The following ZC2HC1B variants were observed in gnomAD, a reference collection of about 807,000 sequenced individuals.
ZC2HC1B encodes zinc finger C2HC-type containing 1B.
In ZC2HC1B, 36 loss-of-function variants were observed where a neutral mutation model predicts 31.0. The observed-to-expected ratio is 1.16, with a 90% confidence interval of 0.89 to 1.54. The LOEUF (loss-of-function observed/expected upper bound fraction) is 1.54. Ranked by LOEUF, ZC2HC1B falls within the 40% of genes most tolerant of loss-of-function variation. ZC2HC1B has a pLI of 0.00. For missense variants in ZC2HC1B, 260 were observed against 268.6 expected, an observed-to-expected ratio of 0.97 and a Z score of 0.22; for synonymous variants, 73 against 88.0, an observed-to-expected ratio of 0.83 and a Z score of 0.95.
rs1286272330 is a variant in ZC2HC1B at position 143,913,011 on chromosome 6, G to A, written c.598+9859G>A. Reference sequence around the variant, plus strand: ...AGGGTCTTGCTTAAAGAAGCAGTCTGGCCATACCTCAACAAAACAGCTGTG... The same window carrying A: ...AGGGTCTTGCTTAAAGAAGCAGTCTAGCCATACCTCAACAAAACAGCTGTG... On this transcript the variant is annotated intron_variant, in intron 6 of 7. Transcript: ENST00000237275. The surrounding 1 kb of genome is among the most constrained non-coding windows in gnomAD (Gnocchi z 5.7). Among the ~76,000 whole-genome samples the A allele has an allele frequency of 1.8e-4, 27 of 152,204 alleles. No homozygotes were observed. Among genetic ancestry groups the A allele is most frequent in the Admixed American group, 1.8e-3 (27 of 15,282 alleles).
Position 143,886,734 on chromosome 6 carries a change from A to T in ZC2HC1B, c.262A>T (p.Asn88Tyr). 1 of 1,548,466 alleles carries T rather than the reference A, an allele frequency of 6.5e-7. No individual in the cohort carries two copies. The highest frequency in any genetic ancestry group is 1.2e-5 in the South Asian group (1 of 83,558). The change falls in exon 4 of 8, where the codon AAT (asparagine) becomes TAT (tyrosine). Residue 88 changes from asparagine (N) to tyrosine (Y), a missense_variant. By Grantham distance (143) the Asn-to-Tyr change is moderately radical. Transcript: ENST00000237275. The surrounding 1 kb of genome is among the most constrained non-coding windows in gnomAD (Gnocchi z 4.2). ...NWRQQHEDFI[N>Y]AIRSAKQCML... is the part of the protein sequence containing the mutation. Reference sequence around the variant, plus strand: ...GAGACAACAACATGAAGACTTTATTAATGCAATCCGATCAGCAAAGCAGTG... The same window carrying T: ...GAGACAACAACATGAAGACTTTATTTATGCAATCCGATCAGCAAAGCAGTG...
At position 143,884,108 on chromosome 6, in the gene ZC2HC1B, TG is replaced by T. The variant is rs992862061; in HGVS notation, c.29-195del. ...TATGGAATTTACTTGTTTAGTGAAG[TG>T]AGGAGTTTATATCAGGAAAGGAAAA... On this transcript the variant is annotated intron_variant, in intron 1 of 7. Coordinates refer to ENST00000237275, the MANE Select transcript of ZC2HC1B (RefSeq NM_001013623.3). The surrounding 1 kb of genome is among the most constrained non-coding windows in gnomAD (Gnocchi z 5.1). Among the ~76,000 whole-genome samples, 13 of 152,168 alleles carry T rather than the reference TG, an allele frequency of 8.5e-5. No individual in the cohort carries two copies. The highest frequency in any genetic ancestry group is 1.9e-4 in the Non-Finnish European group (13 of 68,024).
chr6:143,873,346 T>C (rs1345971468), intron 1 of ZC2HC1B, among the ~76,000 whole-genome samples: 1 of 152,184 alleles, frequency 6.6e-6, no homozygotes, highest in Non-Finnish European at 1.5e-5. Context: ...CCTGCCTGCT[T>C]TCATGGGTTG....
At chr6:143,898,877 C>T (rs572906242) in intron 5 of ZC2HC1B, among the ~76,000 whole-genome samples, 186 bp downstream of exon 5, 12 of 152,306 alleles carry the variant, frequency 7.9e-5, no homozygotes, top group African/African-American at 2.6e-4. Context: ...GCTAAGGCAC[C>T]TTTGGGTGTT....
In ZC2HC1B at chr6:143,921,364, AAG is replaced by A. The variant is rs1277685161; in HGVS notation, c.599-16284_599-16283del. ...AAGAAATGGAATATAAGTTTCAAGA[AAG>A]GGGAATTCTCTACTGTATCTTTCTC... On this transcript the variant is annotated intron_variant, in intron 6 of 7. Coordinates refer to ENST00000237275, the MANE Select transcript of ZC2HC1B (RefSeq NM_001013623.3). The surrounding 1 kb of genome is among the most constrained non-coding windows in gnomAD (Gnocchi z 6.1). Among the ~76,000 whole-genome samples, 2 of 152,208 alleles carry A rather than the reference AAG, an allele frequency of 1.3e-5. No individual in the cohort carries two copies. The highest frequency in any genetic ancestry group is 4.8e-5 in the African/African-American group (2 of 41,460).
rs965681525 is a variant in ZC2HC1B, at chr6:143,908,323, G to A, written c.598+5171G>A. ...TCTAATTCTGTGAAGAATGTCAATGGTAGTTTAATGGAAATTGCATTGAAT... is the reference window on the plus strand; with the variant it reads ...TCTAATTCTGTGAAGAATGTCAATGATAGTTTAATGGAAATTGCATTGAAT... On this transcript the variant is annotated intron_variant, in intron 6 of 7. Coordinates refer to ENST00000237275, the MANE Select transcript of ZC2HC1B (RefSeq NM_001013623.3). This position sits in a 1 kb window ranked among gnomAD's most constrained non-coding sequence, Gnocchi z 4.4. 6.6e-6 allele frequency among the ~76,000 whole-genome samples: 1 copy of A among 152,168 alleles called. No homozygotes were observed. The highest frequency in any genetic ancestry group is 2.4e-5 in the African/African-American group (1 of 41,448).
Position 143,903,078 on chromosome 6 carries a change from C to G in ZC2HC1B, c.524C>G (p.Thr175Ser), listed in dbSNP as rs1215943474. The G allele has an allele frequency of 3.2e-6, 5 of 1,551,804 alleles. No individual in the cohort carries two copies. The highest frequency in any genetic ancestry group is 4.4e-6 in the Non-Finnish European group (5 of 1,147,048). Reference protein sequence around the residue: ...RAQMGPKKEPTVTSAVGALLQ... With the variant: ...RAQMGPKKEPSVTSAVGALLQ... The stretch of plus-strand genomic sequence containing the variant: ...CAGATGGGTCCAAAAAAAGAACCAA[C>G]TGTTACCAGTGCTGTGGGAGCTTTG... The change falls in exon 6 of 8, where the codon ACT becomes AGT. Residue 175 changes from threonine to serine, a missense_variant. Coordinates refer to ENST00000237275, the MANE Select transcript of ZC2HC1B (RefSeq NM_001013623.3). The surrounding 1 kb of genome is among the most constrained non-coding windows in gnomAD (Gnocchi z 4.3).
In ZC2HC1B at chr6:143,865,895, A is replaced by G. The variant is rs1777254083; in HGVS notation, c.28+1328A>G. Among the ~76,000 whole-genome samples the G allele has an allele frequency of 6.6e-6, 1 of 152,094 alleles. No individual in the cohort carries two copies. Among genetic ancestry groups the G allele is most frequent in the South Asian group, 2.1e-4 (1 of 4,824 alleles). On this transcript the variant is annotated intron_variant, in intron 1 of 7. Coordinates refer to ENST00000237275, the MANE Select transcript of ZC2HC1B (RefSeq NM_001013623.3). The surrounding 1 kb of genome is among the most constrained non-coding windows in gnomAD (Gnocchi z 4.4). ...CAGTAGTGCGATCTCATCTCACTGCAACCTCCAACTCCCGGGTTCAGGCGA... is the reference window on the plus strand; with the variant it reads ...CAGTAGTGCGATCTCATCTCACTGCGACCTCCAACTCCCGGGTTCAGGCGA...
Position 143,886,855 on chromosome 6 carries a change from T to C in ZC2HC1B, c.349+34T>C, listed in dbSNP as rs1433841834. ...ACATTTTGGGTTGCTTTTGAGGCTA[T>C]GCTTGACTTTTGACCAAATCATCAT... On this transcript the variant is annotated intron_variant, in intron 4 of 7. Coordinates refer to ENST00000237275, the MANE Select transcript of ZC2HC1B (RefSeq NM_001013623.3). This position sits in a 1 kb window ranked among gnomAD's most constrained non-coding sequence, Gnocchi z 4.2. 1.4e-6 allele frequency: 2 copies of C among 1,466,236 alleles called. No homozygotes were observed. The highest frequency in any genetic ancestry group is 1.8e-6 in the Non-Finnish European group (2 of 1,107,828). The allele number at this position is 1,466,236 out of a possible 1,614,324, so 90.8% of individuals were successfully genotyped here.
intron 1 of ZC2HC1B, among the ~76,000 whole-genome samples, chr6:143,878,504 G>A (rs1306950525): frequency 1.3e-5 from 2 of 150,448 alleles, no homozygotes; most frequent in African/African-American, 2.5e-5. Context: ...GGGAAAGGCT[G>A]CCTAGAACAT....
intron 5 of ZC2HC1B, among the ~76,000 whole-genome samples, chr6:143,901,013 A>G (rs924640925): frequency 6.6e-6 from 1 of 151,558 alleles, no homozygotes; most frequent in Non-Finnish European, 1.5e-5. Flanking sequence ...TAATTTTTGT[A>G]TGTTCAGAAG....
Position 143,937,661 on chromosome 6 carries a change from AC to A in ZC2HC1B, c.614del (p.Pro205LeufsTer21). The A allele has an allele frequency of 6.4e-7, 1 of 1,551,156 alleles. No homozygotes were observed. Among genetic ancestry groups the A allele is most frequent in the Non-Finnish European group, 8.7e-7 (1 of 1,146,794 alleles). ...EVPTKSGLAMDPASGAKLRQG... is the reference protein window; with the variant it reads ...EVPTKSGLAMXPASGAKLRQG... ...TATGTTTGCAAAGGATTAGCTATGG[AC>A]CCTGCTTCTGGAGCAAAACTCAGAC... On this transcript the variant is annotated frameshift_variant, in exon 7 of 8. Transcript: ENST00000237275. LOFTEE classifies it high-confidence loss of function.
chr6:143,926,811 A>G (rs1402561953), intron 6 of ZC2HC1B, among the ~76,000 whole-genome samples: 3 of 130,062 alleles, frequency 2.3e-5, no homozygotes. Context: ...GTTCATATAT[A>G]TTTAGAATTG....
intron 6 of ZC2HC1B, among the ~76,000 whole-genome samples, chr6:143,906,693 C>T (rs2128495596): frequency 6.6e-6 from 1 of 151,784 alleles, no homozygotes; most frequent in Non-Finnish European, 1.5e-5. Context: ...ATCTTCCCGC[C>T]TTGGCCTTGC....
In ZC2HC1B at chr6:143,898,410, C is replaced by A; in HGVS notation, c.350-142C>A. The A allele has an allele frequency of 4.6e-6, 5 of 1,096,620 alleles. No individual in the cohort carries two copies. In the Admixed American group the frequency reaches 1.3e-4, roughly 27 times the overall value. The allele number at this position is 1,096,620 out of a possible 1,614,324, so 67.9% of individuals were successfully genotyped here. A position where few individuals can be genotyped will look rare whatever the true frequency, so the allele number is the denominator to read the frequency against. ...TCCTGGACTCAAGCAGTCCACTCAC[C>A]TCAGCCTCACAGAGTGCTGGGATTA... On this transcript the variant is annotated intron_variant, in intron 4 of 7. Coordinates refer to ENST00000237275, the MANE Select transcript of ZC2HC1B (RefSeq NM_001013623.3).
intron 4 of ZC2HC1B, among the ~76,000 whole-genome samples, chr6:143,892,329 T>A (rs371343800): frequency 2.0e-5 from 3 of 149,024 alleles, no homozygotes; most frequent in African/African-American, 7.4e-5. Context: ...GGAGTCTCAC[T>A]ATGTCACCCA....
rs971807707 is a variant in ZC2HC1B, at chr6:143,913,348, C to A, written c.598+10196C>A. 2.0e-5 allele frequency among the ~76,000 whole-genome samples: 3 copies of A among 152,230 alleles called. No homozygotes were observed. The highest frequency in any genetic ancestry group is 7.2e-5 in the African/African-American group (3 of 41,456). On this transcript the variant is annotated intron_variant, in intron 6 of 7. Coordinates refer to ENST00000237275, the MANE Select transcript of ZC2HC1B (RefSeq NM_001013623.3). This position sits in a 1 kb window ranked among gnomAD's most constrained non-coding sequence, Gnocchi z 5.7. ...CTCCAGAGTCCACAGGCTGGAATAG[C>A]TGAATTGACCAAACAGCAGAGGTGT...
rs763005807 is a variant in ZC2HC1B at position 143,864,574 on chromosome 6, T to C, written c.28+7T>C. ...GCAGAACCATTTTTGGCAGGTGAGC[T>C]GCACTTGATATCTAAATTATTAGAA... On this transcript the variant is annotated splice_region_variant and intron_variant, in intron 1 of 7. Transcript: ENST00000237275. 143 of 1,551,606 alleles carry C rather than the reference T, an allele frequency of 9.2e-5. No individual in the cohort carries two copies. The highest frequency in any genetic ancestry group is 1.2e-4 in the Non-Finnish European group (136 of 1,146,924).
chr6:143,906,505 G>T (rs1299103121), intron 6 of ZC2HC1B, among the ~76,000 whole-genome samples: 1 of 151,820 alleles, frequency 6.6e-6, no homozygotes, highest in Non-Finnish European at 1.5e-5. Flanking sequence ...TTGCAGTGGC[G>T]AAATCTTAGC....
Sources: gnomAD v4.1 joint callset for allele counts (sites outside exome capture counted in the v4.1 genomes callset) on GRCh38, gnomAD v4.1.1 for gene constraint, Gnocchi (gnomAD v3.1) non-coding constraint, MANE v1.5 for transcripts, NCBI Gene and HGNC (gene_info 2026-07-23, HGNC 2026-07-21) for gene names.